GRIK2: variants seen among roughly 807,000 people sequenced by gnomAD.
GRIK2 encodes glutamate receptor ionotropic, kainate 2.
A neutral mutation model predicts 100.3 loss-of-function variants in GRIK2; 32 were observed. The ratio of observed to expected loss-of-function variants is 0.32; its 90% CI spans 0.24 to 0.43. The LOEUF is 0.43. Ranked by LOEUF, GRIK2 falls within the 20% of genes least tolerant of loss-of-function variation. GRIK2 has a pLI of 1.00. For missense variants in GRIK2, 843 were observed against 1,114.9 expected, an observed-to-expected ratio of 0.76 and a Z score of 3.47; for synonymous variants, 417 against 389.4, an observed-to-expected ratio of 1.07 and a Z score of -0.83.
At chr6:101,773,478 CAAAAA>C (rs10635667) in intron 7 of GRIK2, among the ~76,000 whole-genome samples, 1 of 88,940 alleles carries the variant, frequency 1.1e-5, no homozygotes, top group Admixed American at 1.3e-4. Flanking sequence ...GACTTTGTCT[CAAAAA>C]AAAAAAAAAA....
chr6:101,583,828 C>G (rs921313614), intron 2 of GRIK2, among the ~76,000 whole-genome samples: 1 of 151,996 alleles, frequency 6.6e-6, no homozygotes, highest in African/African-American at 2.4e-5. Context: ...ATGCTACCAT[C>G]CTGGAAAGAT....
intron 14 of GRIK2, among the ~76,000 whole-genome samples, chr6:102,002,660 A>G (rs1284108230): frequency 6.6e-6 from 1 of 150,680 alleles, no homozygotes; most frequent in African/African-American, 2.4e-5. Flanking sequence ...TGGGTAATGT[A>G]CATTAACATA....
At chr6:101,418,256 T>C (rs1484987902) in intron 2 of GRIK2, among the ~76,000 whole-genome samples, 3 of 152,210 alleles carry the variant, frequency 2.0e-5, no homozygotes, top group African/African-American at 4.8e-5. Flanking sequence ...TGTCTTTCTA[T>C]TATCCATTTA....
In GRIK2 at chr6:101,499,155, C is replaced by A. The variant is rs982566148; in HGVS notation, c.115+99763C>A. Among the ~76,000 whole-genome samples the A allele has an allele frequency of 3.3e-5, 5 of 152,196 alleles. No homozygotes were observed. In the South Asian group the frequency reaches 6.2e-4, roughly 19 times the overall value. ...ATGGATTAAAGACTTAAACGTTAGA[C>A]AACCTTATTTTTTATTAATACTGTT... is the stretch of plus-strand genomic sequence containing the variant. On this transcript the variant is annotated intron_variant, in intron 2 of 16. Coordinates refer to ENST00000369134, the MANE Select transcript of GRIK2 (RefSeq NM_021956.5).
Position 101,479,054 on chromosome 6 carries a change from G to A in GRIK2, c.115+79662G>A, listed in dbSNP as rs182774276. Among the ~76,000 whole-genome samples, 5 of 152,204 alleles carry A rather than the reference G, an allele frequency of 3.3e-5. No homozygotes were observed. In the East Asian group the frequency reaches 5.8e-4, roughly 18 times the overall value. On this transcript the variant is annotated intron_variant, in intron 2 of 16. Coordinates refer to ENST00000369134, the MANE Select transcript of GRIK2 (RefSeq NM_021956.5). ...GGAAAACAAACCAAAAAAATGTGTA[G>A]TCATGAACCAGAAAGTTGACAGCTT...
At chr6:101,674,270 C>T (rs1770662466) in intron 4 of GRIK2, among the ~76,000 whole-genome samples, 1 of 152,122 alleles carries the variant, frequency 6.6e-6, no homozygotes. Context: ...TTAAAATATG[C>T]ATGCATGAGT....
chr6:101,889,815 T>C lies in GRIK2; in HGVS notation c.1700T>C (p.Ile567Thr). Residue 567 changes from isoleucine to threonine, a missense_variant, in exon 12 of 17, where the codon ATT becomes ACT. Transcript: ENST00000369134. ...NPLSPDIWMY[I>T]LLAYLGVSCV... ...CTCTCCCCTGATATCTGGATGTATA[T>C]TCTGCTGGCTTACTTGGGTGTCAGT... The C allele has an allele frequency of 6.2e-7, 1 of 1,613,630 alleles. No individual in the cohort carries two copies. The highest frequency in any genetic ancestry group is 8.5e-7 in the Non-Finnish European group (1 of 1,179,610).
chr6:101,482,300 CTCT>C (rs1772573055), intron 2 of GRIK2, among the ~76,000 whole-genome samples: 1 of 152,098 alleles, frequency 6.6e-6, no homozygotes, highest in Non-Finnish European at 1.5e-5. Flanking sequence ...GTCATGTTCC[CTCT>C]TCTTAATTGA....
At chr6:101,482,328 C>T (rs566625540) in intron 2 of GRIK2, among the ~76,000 whole-genome samples, 2 of 152,214 alleles carry the variant, frequency 1.3e-5, no homozygotes, top group Admixed American at 6.5e-5. Context: ...CCTGCTTTAT[C>T]GACAGGCAAA....
chr6:101,925,035 A>T (rs1206174771), intron 13 of GRIK2, among the ~76,000 whole-genome samples: 1 of 152,168 alleles, frequency 6.6e-6, no homozygotes, highest in Non-Finnish European at 1.5e-5. Flanking sequence ...ACTACTACAA[A>T]GATTACATCT....
At position 101,761,759 on chromosome 6, in the gene GRIK2, A is replaced by G. The variant is rs1777686317; in HGVS notation, c.952-37889A>G. Among the ~76,000 whole-genome samples the G allele has an allele frequency of 2.8e-5, 4 of 142,886 alleles. No individual in the cohort carries two copies. The South Asian group carries it at 7.4e-4, about 26-fold the overall frequency. 93.7% of individuals were successfully genotyped at this position (142,886 alleles called of 152,430 possible). On this transcript the variant is annotated intron_variant, in intron 7 of 16. Coordinates refer to ENST00000369134, the MANE Select transcript of GRIK2 (RefSeq NM_021956.5). ...TTTTACCTAATCAGATTTTACAATA[A>G]TGCCCCCATTTCCCTCCCTCCCTCC...
At chr6:101,690,226 T>TG (rs1359715836) in intron 7 of GRIK2, among the ~76,000 whole-genome samples, 2 of 152,072 alleles carry the variant, frequency 1.3e-5, no homozygotes, top group East Asian at 3.9e-4. Flanking sequence ...TATCAGTATT[T>TG]TTTTTCTTGT....
intron 14 of GRIK2, among the ~76,000 whole-genome samples, chr6:102,005,702 C>T (rs182017645): frequency 1.3e-5 from 2 of 152,200 alleles, no homozygotes; most frequent in East Asian, 1.9e-4. Flanking sequence ...TTACGCCAAA[C>T]CTCAAACGTA....
chr6:101,656,524 T>C (rs1480303454), intron 4 of GRIK2, among the ~76,000 whole-genome samples: 1 of 152,188 alleles, frequency 6.6e-6, no homozygotes, highest in Admixed American at 6.5e-5. Flanking sequence ...AGGTAGATAA[T>C]ATTCAACCTT....
chr6:101,949,244 G>A (rs1246708015), intron 14 of GRIK2, among the ~76,000 whole-genome samples: 1 of 151,020 alleles, frequency 6.6e-6, no homozygotes, highest in Non-Finnish European at 1.5e-5. Flanking sequence ...TGCCTCCATA[G>A]GATTTTTAAA....
intron 10 of GRIK2, among the ~76,000 whole-genome samples, chr6:101,850,260 A>G (rs1429620134): frequency 1.3e-5 from 2 of 151,932 alleles, no homozygotes; most frequent in Non-Finnish European, 2.9e-5. Flanking sequence ...GAATTTTTCT[A>G]TGTTGTTTTG....
chr6:101,990,121 T>G (rs1243558634), intron 14 of GRIK2, among the ~76,000 whole-genome samples: 4 of 151,636 alleles, frequency 2.6e-5, no homozygotes, highest in Non-Finnish European at 4.4e-5. Flanking sequence ...ACATTTGCAT[T>G]CCCTCTTATT....
chr6:101,525,220 A>G (rs757331641), intron 2 of GRIK2, among the ~76,000 whole-genome samples: 10 of 152,238 alleles, frequency 6.6e-5, no homozygotes, highest in Non-Finnish European at 1.2e-4. Flanking sequence ...TAGTCTAAGA[A>G]GAACACACTT....
chr6:101,682,065 TAA>T (rs1323488031), intron 5 of GRIK2, among the ~76,000 whole-genome samples: 3 of 152,224 alleles, frequency 2.0e-5, no homozygotes, highest in South Asian at 2.1e-4. Flanking sequence ...AATTTTTAAA[TAA>T]GAGTGGTAAT....
Sources: gnomAD v4.1 joint callset for allele counts (sites outside exome capture counted in the v4.1 genomes callset) on GRCh38, gnomAD v4.1.1 for gene constraint, MANE v1.5 for transcripts, NCBI Gene and HGNC (gene_info 2026-07-23, HGNC 2026-07-21) for gene names.